Variants in CDH3 observed in about 807,000 individuals in gnomAD.
The protein encoded by CDH3 is cadherin-3.
CDH3 carries 54 observed loss-of-function variants against 82.0 expected under a neutral mutation model. The observed-to-expected ratio is 0.66, with a 90% CI of 0.53 to 0.83. The LOEUF (loss-of-function observed/expected upper bound fraction) is 0.83. CDH3 is among the 40% of genes least tolerant of loss of function. The pLI, the probability that CDH3 is intolerant of heterozygous loss-of-function variation, is 0.00. For missense variants in CDH3, 1,054 were observed against 1,084.6 expected (o/e 0.97, Z 0.40); for synonymous variants, 446 against 437.9 (o/e 1.02, Z -0.23).
chr16:68,692,214 T>C (rs1348859700), intron 13 of CDH3, among the ~76,000 whole-genome samples: 1 of 152,128 alleles, frequency 6.6e-6, no homozygotes, highest in Non-Finnish European at 1.5e-5. Context: ...TTTTTGTATT[T>C]TTTGTAAAAA....
At chr16:68,711,944 T>G (rs1231234471) in intron 1 of CDH3, among the ~76,000 whole-genome samples, 2 of 151,994 alleles carry the variant, frequency 1.3e-5, no homozygotes, top group Non-Finnish European at 2.9e-5. Context: ...ATGGAAGTTT[T>G]GAGAGTGCAC....
chr16:68,646,502 ACCCCCCCC>A lies in CDH3; in HGVS notation c.160+754_160+761del, dbSNP rs372573208. 8.0e-3 allele frequency among the ~76,000 whole-genome samples: 907 copies of A among 112,828 alleles called. 3 individuals carry two copies. The highest frequency in any genetic ancestry group is 0.03 in the African/African-American group (850 of 27,970). 74.0% of individuals were successfully genotyped at this position (112,828 alleles called of 152,430 possible). Reference sequence around the variant, plus strand: ...CATTTTTGATCCCTCAGTTACTCCTACCCCCCCCCTCCCCGCCCCAAGTTCAAAAACCT... The same window carrying A: ...CATTTTTGATCCCTCAGTTACTCCTACTCCCCGCCCCAAGTTCAAAAACCT... On this transcript the variant is annotated intron_variant, in intron 2 of 15. Coordinates refer to ENST00000264012, the MANE Select transcript of CDH3 (RefSeq NM_001793.6).
intron 1 of CDH3, among the ~76,000 whole-genome samples, chr16:68,709,975 C>T (rs954686659): frequency 3.9e-5 from 6 of 152,212 alleles, no homozygotes; most frequent in East Asian, 1.9e-4. Context: ...ATGGCCTCTG[C>T]GCTGGTTAAT....
intron 15 of CDH3, 152 bp downstream of exon 15, chr16:68,696,075 C>T (rs1020864908): frequency 3.7e-6 from 3 of 804,292 alleles, no homozygotes; most frequent in African/African-American, 3.4e-5. Context: ...ATTTGAGTAA[C>T]TTCTGGGGTT....
chr16:68,685,361 C>T lies in CDH3; in HGVS notation c.1570+11C>T, dbSNP rs776098699. 2 of 1,613,578 alleles carry T rather than the reference C, an allele frequency of 1.2e-6. No homozygotes were observed. Among genetic ancestry groups the T allele is most frequent in the Non-Finnish European group, 1.7e-6 (2 of 1,179,874 alleles). On this transcript the variant is annotated intron_variant, in intron 11 of 15. Transcript: ENST00000264012. ...TGGCCATGGACAATGGTGAGAGCAT[C>T]CTCCCAGCCCTCCCACAAGGGCCAC...
At chr16:68,674,652 T>C (rs569024987) in intron 2 of CDH3, among the ~76,000 whole-genome samples, 3 of 152,106 alleles carry the variant, frequency 2.0e-5, no homozygotes, top group Non-Finnish European at 4.4e-5. Flanking sequence ...GGAGAACCCC[T>C]TGAGCCTGGG....
chr16:68,667,101 A>T (rs960787033), intron 2 of CDH3, among the ~76,000 whole-genome samples: 8 of 152,166 alleles, frequency 5.3e-5, no homozygotes, highest in African/African-American at 1.9e-4. Flanking sequence ...GTGACACAGC[A>T]CTTGCCCTTT....
intron 2 of CDH3, among the ~76,000 whole-genome samples, chr16:68,667,111 T>G (rs1310062618): frequency 6.6e-6 from 1 of 152,206 alleles, no homozygotes; most frequent in Non-Finnish European, 1.5e-5. Flanking sequence ...ACTTGCCCTT[T>G]TAATTTGTAT....
At chr16:68,651,253 A>T (rs919826798) in intron 2 of CDH3, 3 of 539,118 alleles carry the variant, frequency 5.6e-6, no homozygotes. Flanking sequence ...GTTGGTGCCC[A>T]GCTTGGTGTC....
Position 68,698,293 on chromosome 16 carries a change from C to T in CDH3, c.2383C>T (p.Leu795Phe). The change falls in exon 16 of 16, where the codon CTC becomes TTC. Residue 795 changes from leucine (L) to phenylalanine (F), a missense_variant. Transcript: ENST00000264012. ...CTCCGACGCCGCGTCCCTGAGCTCCCTCACCTCCTCCGCCTCCGACCAAGA... is the reference window on the plus strand; with the variant it reads ...CTCCGACGCCGCGTCCCTGAGCTCCTTCACCTCCTCCGCCTCCGACCAAGA... ...SGSDAASLSS[L>F]TSSASDQDQD... 6.2e-7 allele frequency: 1 copy of T among 1,614,260 alleles called. No homozygotes were observed. Among genetic ancestry groups the T allele is most frequent in the Middle Eastern group, 1.6e-4 (1 of 6,062 alleles).
chr16:68,651,836 TC>T (rs916783068), intron 2 of CDH3: 1 of 493,382 alleles, frequency 2.0e-6, no homozygotes, highest in Non-Finnish European at 4.1e-6. Flanking sequence ...GGCTGGTGAG[TC>T]CCTCGATCCA....
At chr16:68,719,499 G>A (rs1360858859) in intron 1 of CDH3, among the ~76,000 whole-genome samples, 2 of 82,268 alleles carry the variant, frequency 2.4e-5, no homozygotes, top group East Asian at 3.7e-4. Flanking sequence ...TGATGGAACT[G>A]TTCTTTTTTT....
At chr16:68,663,638 ATGT>A (rs1567441615) in intron 2 of CDH3, among the ~76,000 whole-genome samples, 1 of 151,858 alleles carries the variant, frequency 6.6e-6, no homozygotes, top group Non-Finnish European at 1.5e-5. Context: ...ACTAAAGATG[ATGT>A]TGTATGCACT....
At chr16:68,662,701 C>G (rs969756834) in intron 2 of CDH3, among the ~76,000 whole-genome samples, 2 of 151,360 alleles carry the variant, frequency 1.3e-5, no homozygotes, top group African/African-American at 4.9e-5. Context: ...CCCGCCACCA[C>G]GCCCGGCTAA....
At chr16:68,730,752 G>T (rs1597833933), downstream of CDH3, among the ~76,000 whole-genome samples, 1 of 151,862 alleles carries the variant, frequency 6.6e-6, no homozygotes, top group South Asian at 2.1e-4. Context: ...CGGGTGTGGT[G>T]GCTCACACCT....
At chr16:68,702,789 C>T (rs527812066), downstream of CDH3, among the ~76,000 whole-genome samples, 9 of 151,980 alleles carry the variant, frequency 5.9e-5, no homozygotes, top group East Asian at 1.7e-3. Context: ...CGCTTGAGCC[C>T]AGGAAGCAGA....
At chr16:68,682,709 G>A (rs756153545) in intron 9 of CDH3, among the ~76,000 whole-genome samples, 2 of 152,164 alleles carry the variant, frequency 1.3e-5, no homozygotes, top group Admixed American at 6.5e-5. Context: ...CTGATTAATT[G>A]AAGCACATCA....
chr16:68,648,912 T>G (rs1960160087), intron 2 of CDH3, among the ~76,000 whole-genome samples: 1 of 150,032 alleles, frequency 6.7e-6, no homozygotes, highest in African/African-American at 2.5e-5. Context: ...AACATTGATG[T>G]AGAGGAAACT....
chr16:68,708,302 G>A (rs997741138), intron 1 of CDH3, among the ~76,000 whole-genome samples: 3 of 151,850 alleles, frequency 2.0e-5, no homozygotes, highest in African/African-American at 7.3e-5. Flanking sequence ...AGTCCAGCCT[G>A]GGTGACGAGC....
Sources: gnomAD v4.1 joint callset for allele counts (sites outside exome capture counted in the v4.1 genomes callset) on GRCh38, gnomAD v4.1.1 for gene constraint, MANE v1.5 for transcripts, NCBI Gene and HGNC (gene_info 2026-07-23, HGNC 2026-07-21) for gene names.